ZMIZ1: variants seen among roughly 807,000 people sequenced by gnomAD.
ZMIZ1 encodes the protein zinc finger MIZ-type containing 1, also known as zinc finger MIZ domain-containing protein 1.
In ZMIZ1, 17 loss-of-function variants were observed where a neutral mutation model predicts 113.9. The observed-to-expected ratio is 0.15, with a 90% confidence interval of 0.10 to 0.22. The LOEUF (loss-of-function observed/expected upper bound fraction) is 0.22, where lower values mean the gene tolerates loss of function less well. ZMIZ1 is among the 10% of genes least tolerant of loss of function. The pLI, the probability that ZMIZ1 is intolerant of heterozygous loss-of-function variation, is 1.00. For missense variants in ZMIZ1, 1,059 were observed against 1,477.8 expected, an observed-to-expected ratio of 0.72 and a Z score of 4.65; for synonymous variants, 607 against 603.1, an observed-to-expected ratio of 1.01 and a Z score of -0.09.
At chr10:79,137,432 C>T (rs1023713268) in intron 2 of ZMIZ1, among the ~76,000 whole-genome samples, 4 of 152,214 alleles carry the variant, frequency 2.6e-5, no homozygotes, top group Admixed American at 2.6e-4. Context: ...GCTTAGTGGC[C>T]AGCCCTGCTG....
In ZMIZ1 at chr10:79,315,623, T is replaced by C. The variant is rs925308215; in HGVS notation, c.*2874T>C. 2.6e-5 allele frequency: 4 copies of C among 152,782 alleles called. No homozygotes were observed. Among genetic ancestry groups the C allele is most frequent in the African/African-American group, 9.6e-5 (4 of 41,456 alleles). The allele number at this position is 152,782 out of a possible 1,614,324, so 9.5% of individuals were successfully genotyped here. On this transcript the variant is annotated 3_prime_UTR_variant, in exon 25 of 25. Coordinates refer to ENST00000334512, the MANE Select transcript of ZMIZ1 (RefSeq NM_020338.4). ...CCATGTATCATGTTCCGTGTAGCCATTTTATTTTTTAAGAAACTGCTAATA... is the reference window on the plus strand; with the variant it reads ...CCATGTATCATGTTCCGTGTAGCCACTTTATTTTTTAAGAAACTGCTAATA...
intron 7 of ZMIZ1, among the ~76,000 whole-genome samples, chr10:79,230,464 C>G (rs931669876): frequency 1.3e-5 from 2 of 152,250 alleles, no homozygotes; most frequent in African/African-American, 4.8e-5. Context: ...CATACATTCC[C>G]ATTTCCTCCA....
At chr10:79,275,575 C>A (rs79126356) in intron 7 of ZMIZ1, among the ~76,000 whole-genome samples, 5,550 of 152,348 alleles carry the variant, frequency 0.036, 136 homozygotes, top group Middle Eastern at 0.058. Context: ...GTCACTGTGC[C>A]TATGGGTGTC....
intron 4 of ZMIZ1, among the ~76,000 whole-genome samples, chr10:79,201,344 A>T (rs1176014639): frequency 6.6e-6 from 1 of 152,262 alleles, no homozygotes; most frequent in African/African-American, 2.4e-5. Flanking sequence ...GTGCACCTGC[A>T]TGTGCAGTTC....
intron 7 of ZMIZ1, among the ~76,000 whole-genome samples, chr10:79,259,052 C>T (rs1470292422): frequency 3.3e-5 from 5 of 152,188 alleles, no homozygotes; most frequent in South Asian, 2.1e-4. Flanking sequence ...AGCCATGCCT[C>T]GCCCCAGCCG....
At chr10:79,102,832 A>G (rs1391073651) in intron 1 of ZMIZ1, among the ~76,000 whole-genome samples, 1 of 152,220 alleles carries the variant, frequency 6.6e-6, no homozygotes, top group African/African-American at 2.4e-5. Context: ...TGGTGAGCTG[A>G]CAGAATCGTA....
rs1207605865 is a variant in ZMIZ1 at position 79,229,191 on chromosome 10, C to G, written c.280+12917C>G. Among the ~76,000 whole-genome samples, 3 of 152,360 alleles carry G rather than the reference C, an allele frequency of 2.0e-5. No homozygotes were observed. The East Asian group carries it at 5.8e-4, about 29-fold the overall frequency. ...CTCCTCACCCTGACAAGGTGCGGCCCAGGCAACCAGGTGTTTGTGTTTTGC... is the reference window on the plus strand; with the variant it reads ...CTCCTCACCCTGACAAGGTGCGGCCGAGGCAACCAGGTGTTTGTGTTTTGC... On this transcript the variant is annotated intron_variant, in intron 7 of 24. Transcript: ENST00000334512.
intron 7 of ZMIZ1, chr10:79,243,678 C>G (rs1850011460): frequency 3.3e-6 from 1 of 306,002 alleles, no homozygotes; most frequent in Non-Finnish European, 6.5e-6. Flanking sequence ...GCGGCCGCCG[C>G]CGGCCGGGCC....
chr10:79,239,031 T>C (rs1356831343), intron 7 of ZMIZ1, among the ~76,000 whole-genome samples: 1 of 152,170 alleles, frequency 6.6e-6, no homozygotes, highest in Non-Finnish European at 1.5e-5. Context: ...CAACCGCAAC[T>C]GTCCCTTTCA....
chr10:79,165,984 G>GGGCTCTTCCTGCAGCTCAGC (rs1564692877), intron 4 of ZMIZ1, among the ~76,000 whole-genome samples: 33 of 147,584 alleles, frequency 2.2e-4, no homozygotes, highest in East Asian at 5.9e-4. Flanking sequence ...GTGTGTGTGT[G>GGGCTCTTCCTGCAGCTCAGC]TGTGTGTGTG....
intron 1 of ZMIZ1, among the ~76,000 whole-genome samples, chr10:79,087,661 C>T (rs185684863): frequency 1.4e-3 from 210 of 152,358 alleles, no homozygotes; most frequent in African/African-American, 4.6e-3. Context: ...AAAACTCCTT[C>T]GTGCCTCTCT....
At chr10:79,249,578 C>T (rs372130365) in intron 7 of ZMIZ1, among the ~76,000 whole-genome samples, 1 of 152,164 alleles carries the variant, frequency 6.6e-6, no homozygotes, top group South Asian at 2.1e-4. Flanking sequence ...ACTGTGCTGT[C>T]CAGTATAGCA....
intron 3 of ZMIZ1, among the ~76,000 whole-genome samples, chr10:79,146,201 C>G (rs919012732): frequency 6.6e-6 from 1 of 152,180 alleles, no homozygotes; most frequent in African/African-American, 2.4e-5. Flanking sequence ...CCTTCCTCCC[C>G]TAGAGCAGGG....
intron 7 of ZMIZ1, among the ~76,000 whole-genome samples, chr10:79,221,971 A>G (rs1468109607): frequency 6.6e-6 from 1 of 152,250 alleles, no homozygotes; most frequent in Non-Finnish European, 1.5e-5. Context: ...CAGAGAGAGC[A>G]GCAGGTCCAG....
Position 79,150,797 on chromosome 10 carries a change from C to T in ZMIZ1, c.-131+11020C>T, listed in dbSNP as rs1000263202. On this transcript the variant is annotated intron_variant, in intron 3 of 24. Transcript: ENST00000334512. ...GCCCCTTCTCTCATCTCCCAGAAGCCGGGCGACGGAGCATGCCTCCGTCTC... is the reference window on the plus strand; with the variant it reads ...GCCCCTTCTCTCATCTCCCAGAAGCTGGGCGACGGAGCATGCCTCCGTCTC... Among the ~76,000 whole-genome samples, 6 of 152,202 alleles carry T rather than the reference C, an allele frequency of 3.9e-5. No homozygotes were observed. In the East Asian group the frequency reaches 5.8e-4, roughly 15 times the overall value.
At chr10:79,179,352 AC>A (rs1847012079) in intron 4 of ZMIZ1, among the ~76,000 whole-genome samples, 1 of 152,192 alleles carries the variant, frequency 6.6e-6, no homozygotes, top group Non-Finnish European at 1.5e-5. Flanking sequence ...CTCAGATGGG[AC>A]CTAGTTAGTG....
At chr10:79,292,065 C>T (rs1334575937) in intron 10 of ZMIZ1, 93 bp from the exon 11 acceptor site, 2 of 1,273,204 alleles carry the variant, frequency 1.6e-6, no homozygotes, top group African/African-American at 1.5e-5. Flanking sequence ...GTTCTGGGTA[C>T]AGCTCCATCA....
rs548346391 is a variant in ZMIZ1 at position 79,261,596 on chromosome 10, C to T, written c.281-15585C>T. On this transcript the variant is annotated intron_variant, in intron 7 of 24. Transcript: ENST00000334512. ...GGCAGTGAGGCGGAGCCTGCAGGACCTAGTTCAGTTCTTACAGCCACTCTG... is the reference window on the plus strand; with the variant it reads ...GGCAGTGAGGCGGAGCCTGCAGGACTTAGTTCAGTTCTTACAGCCACTCTG... Among the ~76,000 whole-genome samples the T allele has an allele frequency of 2.0e-5, 3 of 152,340 alleles. No individual in the cohort carries two copies. The East Asian group carries it at 5.8e-4, about 29-fold the overall frequency.
At chr10:79,228,004 G>A (rs1849258684) in intron 7 of ZMIZ1, among the ~76,000 whole-genome samples, 1 of 152,248 alleles carries the variant, frequency 6.6e-6, no homozygotes, top group Admixed American at 6.5e-5. Flanking sequence ...CCTGGGCAAG[G>A]GATGTTTGAA....
Sources: allele counts gnomAD v4.1 joint callset (sites outside exome capture counted in the v4.1 genomes callset), GRCh38; gene constraint gnomAD v4.1.1; transcripts MANE v1.5; gene names NCBI Gene and HGNC (gene_info 2026-07-23, HGNC 2026-07-21).